KCNG3: variants seen among roughly 807,000 people sequenced by gnomAD.
KCNG3 encodes voltage-gated potassium channel regulatory subunit KCNG3.
In KCNG3, 15 loss-of-function variants were observed where a neutral mutation model predicts 29.0. That is an observed-to-expected ratio of 0.52 (90% CI 0.35 to 0.80). The LOEUF is 0.80. KCNG3 is among the 30% of genes least tolerant of loss of function. The probability of loss-of-function intolerance (pLI) is 0.01; values close to 1 mark genes in which losing one functional copy is unlikely to be tolerated. For synonymous variants in KCNG3, 322 were observed against 248.9 expected, an observed-to-expected ratio of 1.29 and a Z score of -2.76; for missense variants, 512 against 605.7, an observed-to-expected ratio of 0.85 and a Z score of 1.62.
the KCNG3 span, among the ~76,000 whole-genome samples, chr2:42,433,019 CTA>C: frequency 1.7e-3 from 260 of 150,908 alleles, 1 homozygote; most frequent in African/African-American, 5.7e-3. Context: ...TAAAGGGAAT[CTA>C]TGGAAAAACC....
the KCNG3 span, among the ~76,000 whole-genome samples, chr2:42,405,605 A>AT: frequency 3.7e-4 from 53 of 143,562 alleles, no homozygotes; most frequent in African/African-American, 6.2e-4. Flanking sequence ...CATGTGACTA[A>AT]TTTTTTTTTT....
At chr2:42,390,154 G>A in the KCNG3 span, among the ~76,000 whole-genome samples, 23 of 152,256 alleles carry the variant, frequency 1.5e-4, 1 homozygote, top group East Asian at 4.1e-3. Context: ...ACCAAAATTG[G>A]ATTTTGCTCT....
the KCNG3 span, among the ~76,000 whole-genome samples, chr2:42,402,336 C>T: frequency 6.6e-6 from 1 of 152,154 alleles, no homozygotes; most frequent in Non-Finnish European, 1.5e-5. Flanking sequence ...TAAATCAATC[C>T]TATTGGCCTG....
At chr2:42,438,492 A>G (rs780195655), downstream of KCNG3, among the ~76,000 whole-genome samples, 5 of 152,152 alleles carry the variant, frequency 3.3e-5, no homozygotes, top group Non-Finnish European at 7.3e-5. Context: ...TTCTCCCTTC[A>G]CTTTCATGTA....
the KCNG3 span, among the ~76,000 whole-genome samples, chr2:42,432,934 T>TAAAA: frequency 3.8e-5 from 5 of 132,760 alleles, no homozygotes; most frequent in Non-Finnish European, 6.5e-5. Context: ...GCTTTTATGA[T>TAAAA]AAAAAAAAAA....
chr2:42,390,943 C>A, the KCNG3 span, among the ~76,000 whole-genome samples: 1 of 152,234 alleles, frequency 6.6e-6, no homozygotes, highest in East Asian at 1.9e-4. Context: ...TCTGGGCAGT[C>A]CAGTTTTGCC....
At chr2:42,438,904 G>A (rs994387648), downstream of KCNG3, among the ~76,000 whole-genome samples, 2 of 152,044 alleles carry the variant, frequency 1.3e-5, no homozygotes, top group Admixed American at 6.6e-5. Flanking sequence ...ATCAGGAAGT[G>A]AAACACCATA....
At chr2:42,413,396 G>C in the KCNG3 span, among the ~76,000 whole-genome samples, 7 of 152,244 alleles carry the variant, frequency 4.6e-5, no homozygotes, top group South Asian at 1.4e-3. Flanking sequence ...CCTGGATATA[G>C]ATTGGCCATC....
At chr2:42,398,890 G>A in the KCNG3 span, among the ~76,000 whole-genome samples, 1 of 152,164 alleles carries the variant, frequency 6.6e-6, no homozygotes, top group African/African-American at 2.4e-5. Context: ...CACCAAGGGT[G>A]CCTCAACCAC....
At chr2:42,483,665 C>T (rs1345307600) in intron 1 of KCNG3, among the ~76,000 whole-genome samples, 2 of 152,166 alleles carry the variant, frequency 1.3e-5, no homozygotes, top group East Asian at 3.8e-4. Flanking sequence ...TTAACTGTTA[C>T]AATCATTACT....
At chr2:42,450,570 C>T (rs1277893625) in intron 1 of KCNG3, among the ~76,000 whole-genome samples, 1 of 152,128 alleles carries the variant, frequency 6.6e-6, no homozygotes, top group African/African-American at 2.4e-5. Flanking sequence ...CCTTTGAAGC[C>T]GATTCTGATT....
chr2:42,474,881 G>C (rs1411035640), intron 1 of KCNG3, among the ~76,000 whole-genome samples: 1 of 150,172 alleles, frequency 6.7e-6, no homozygotes, highest in African/African-American at 2.5e-5. Flanking sequence ...CAATAGGTTT[G>C]GGAGGAGCCA....
intron 1 of KCNG3, among the ~76,000 whole-genome samples, chr2:42,452,243 A>ATATATATATATATATATATATATTT: frequency 1.8e-4 from 17 of 95,026 alleles, no homozygotes; most frequent in African/African-American, 4.7e-4. Flanking sequence ...ATATATATAT[A>ATATATATATATATATATATATATTT]TTTTTTTTTT....
chr2:42,407,201 G>A, the KCNG3 span, among the ~76,000 whole-genome samples: 3 of 134,552 alleles, frequency 2.2e-5, no homozygotes, highest in Admixed American at 7.8e-5. Flanking sequence ...TTTTTGAGAC[G>A]GAGTCTTGCT....
rs761246748 is a variant in KCNG3, at chr2:42,493,103, G to A, written c.399C>T (p.Gly133=). 210 of 1,586,760 alleles carry A rather than the reference G, an allele frequency of 1.3e-4. No homozygotes were observed. The highest frequency in any genetic ancestry group is 1.8e-4 in the Non-Finnish European group (205 of 1,171,050). ...GGCGCGCCTCGTCGCGGCCCAGCAC[G>A]CCCGGCTCGTCGGCCGAGTAGAAGG... ...TYTFYSADEP[G]VLGRDEARPG... Residue 133 remains glycine, a synonymous_variant, in exon 1 of 2, where the codon GGC becomes GGT. Transcript: ENST00000306078.
chr2:42,454,176 T>C (rs1341214752), intron 1 of KCNG3, among the ~76,000 whole-genome samples: 2 of 151,494 alleles, frequency 1.3e-5, no homozygotes, highest in African/African-American at 2.4e-5. Flanking sequence ...ACATCCACTA[T>C]GCATAACAGT....
intron 1 of KCNG3, among the ~76,000 whole-genome samples, chr2:42,469,379 T>A (rs367646417): frequency 1.3e-5 from 2 of 149,828 alleles, no homozygotes; most frequent in African/African-American, 5.0e-5. Flanking sequence ...ATCAGGCCAT[T>A]GCACACGAGC....
chr2:42,417,170 G>A, the KCNG3 span, among the ~76,000 whole-genome samples: 2 of 152,190 alleles, frequency 1.3e-5, no homozygotes, highest in South Asian at 2.1e-4. Context: ...TTGAACCTGG[G>A]CAGTGGAGGT....
At chr2:42,468,988 C>T (rs1673215494) in intron 1 of KCNG3, among the ~76,000 whole-genome samples, 1 of 145,782 alleles carries the variant, frequency 6.9e-6, no homozygotes, top group African/African-American at 2.5e-5. Context: ...AAAATGCCAA[C>T]TCCCTAAATC....
Sources: allele counts gnomAD v4.1 joint callset (sites outside exome capture counted in the v4.1 genomes callset), GRCh38; gene constraint gnomAD v4.1.1; transcripts MANE v1.5; gene names NCBI Gene and HGNC (gene_info 2026-07-23, HGNC 2026-07-21).